Variants in SSH2 observed in about 807,000 individuals in gnomAD.
SSH2 encodes protein phosphatase Slingshot homolog 2.
SSH2 carries 37 observed loss-of-function variants against 135.2 expected under a neutral mutation model. That is an observed-to-expected ratio of 0.27 (90% CI 0.21 to 0.36). The LOEUF (loss-of-function observed/expected upper bound fraction) is 0.36. Ranked by LOEUF, SSH2 falls within the 10% of genes least tolerant of loss-of-function variation. The probability of loss-of-function intolerance (pLI) is 1.00; values close to 1 mark genes in which losing one functional copy is unlikely to be tolerated. For missense variants in SSH2, 1,408 were observed against 1,765.3 expected, an observed-to-expected ratio of 0.80 and a Z score of 3.63; for synonymous variants, 628 against 646.2, an observed-to-expected ratio of 0.97 and a Z score of 0.43.
intron 2 of SSH2, among the ~76,000 whole-genome samples, chr17:29,834,987 T>C (rs993529183): frequency 2.0e-5 from 3 of 152,244 alleles, no homozygotes; most frequent in Admixed American, 1.3e-4. Flanking sequence ...GTTAGATTTC[T>C]GGGTCAAAGC....
intron 2 of SSH2, among the ~76,000 whole-genome samples, chr17:29,839,758 T>C (rs1172818108): frequency 1.3e-5 from 2 of 152,232 alleles, no homozygotes; most frequent in East Asian, 3.8e-4. Context: ...GAATCACTAC[T>C]GCATTTGACC....
chr17:29,893,635 C>A (rs2066390836), intron 1 of SSH2, among the ~76,000 whole-genome samples: 1 of 152,072 alleles, frequency 6.6e-6, no homozygotes, highest in Admixed American at 6.6e-5. Flanking sequence ...TTATAAATTA[C>A]CCATTCTGTG....
chr17:29,910,836 T>A (rs1425079307), intron 1 of SSH2, among the ~76,000 whole-genome samples: 1 of 152,184 alleles, frequency 6.6e-6, no homozygotes, highest in Non-Finnish European at 1.5e-5. Flanking sequence ...TGAAAAAAAA[T>A]AAAATTTGCT....
rs774819289 is a variant in SSH2 at position 29,629,513 on chromosome 17, A to G, written c.*1328T>C. 7 of 152,658 alleles carry G rather than the reference A, an allele frequency of 4.6e-5. No homozygotes were observed. Among genetic ancestry groups the G allele is most frequent in the Non-Finnish European group, 1.0e-4 (7 of 68,046 alleles). The allele number at this position is 152,658 out of a possible 1,614,324, so 9.5% of individuals were successfully genotyped here. A position where few individuals can be genotyped will look rare whatever the true frequency, so the allele number is the denominator to read the frequency against. On this transcript the variant is annotated 3_prime_UTR_variant, in exon 16 of 16. Transcript: ENST00000540801. ...TTAAACAACTACAGCCACCATCAAC[A>G]TATTGTACAGATTCCTATCAACACC...
intron 3 of SSH2, among the ~76,000 whole-genome samples, chr17:29,763,818 A>T (rs899958716): frequency 6.6e-6 from 1 of 152,234 alleles, no homozygotes; most frequent in South Asian, 2.1e-4. Flanking sequence ...GACCTCTGTC[A>T]GTGTCTGTTC....
chr17:29,838,403 G>T (rs142888755), intron 2 of SSH2, among the ~76,000 whole-genome samples: 47 of 152,358 alleles, frequency 3.1e-4, no homozygotes, highest in African/African-American at 1.1e-3. Flanking sequence ...CTCCTAGGCA[G>T]ACAATGGTCA....
At chr17:29,749,795 C>T (rs185415331) in intron 3 of SSH2, among the ~76,000 whole-genome samples, 3 of 152,262 alleles carry the variant, frequency 2.0e-5, no homozygotes, top group Admixed American at 6.5e-5. Context: ...GGCATGATCT[C>T]GGCTCACTGC....
rs565241525 is a variant in SSH2, at chr17:29,667,123, C to G, written c.903+7G>C. ...CTTGGAACAAACAAGGACTCAAGGT[C>G]TCTTACCTCTTTGGATGTAATATTC... On this transcript the variant is annotated splice_region_variant and intron_variant, in intron 10 of 15. Transcript: ENST00000540801. 1 of 1,610,554 alleles carries G rather than the reference C, an allele frequency of 6.2e-7. No individual in the cohort carries two copies. Among genetic ancestry groups the G allele is most frequent in the East Asian group, 2.2e-5 (1 of 44,872 alleles).
At chr17:29,803,435 C>T (rs893852642) in intron 2 of SSH2, among the ~76,000 whole-genome samples, 2 of 152,134 alleles carry the variant, frequency 1.3e-5, no homozygotes, top group Non-Finnish European at 2.9e-5. Flanking sequence ...TCTAATTTAT[C>T]TTGGGCTTCC....
At chr17:29,823,024 G>A (rs2042680465) in intron 2 of SSH2, among the ~76,000 whole-genome samples, 1 of 151,944 alleles carries the variant, frequency 6.6e-6, no homozygotes, top group African/African-American at 2.4e-5. Context: ...GAGTACCAGA[G>A]AACAGTTGTG....
intron 2 of SSH2, among the ~76,000 whole-genome samples, chr17:29,824,497 TG>T (rs1301377508): frequency 1.3e-5 from 2 of 152,178 alleles, no homozygotes; most frequent in Non-Finnish European, 2.9e-5. Context: ...CTCATTTCAC[TG>T]CCCTGAAGTG....
rs560365891 is a variant in SSH2 at position 29,767,785 on chromosome 17, C to A, written c.188+26109G>T. ...ATTTTATTGTACAATCATATATAAT[C>A]TATTTAAATAGTCCTTTACTTATGG... is the stretch of plus-strand genomic sequence containing the variant. On this transcript the variant is annotated intron_variant, in intron 3 of 15. Transcript: ENST00000540801. Among the ~76,000 whole-genome samples, 3 of 152,134 alleles carry A rather than the reference C, an allele frequency of 2.0e-5. No homozygotes were observed. In the South Asian group the frequency reaches 6.2e-4, roughly 32 times the overall value.
intron 3 of SSH2, among the ~76,000 whole-genome samples, chr17:29,745,037 C>G (rs926249972): frequency 6.6e-6 from 1 of 152,110 alleles, no homozygotes; most frequent in Admixed American, 6.6e-5. Flanking sequence ...AATTGGCAAC[C>G]TTCCTAAATA....
chr17:29,720,378 C>T (rs2039779880), intron 3 of SSH2, among the ~76,000 whole-genome samples: 1 of 152,194 alleles, frequency 6.6e-6, no homozygotes, highest in African/African-American at 2.4e-5. Context: ...ACCAAACCAT[C>T]TCTTCTATAG....
intron 2 of SSH2, among the ~76,000 whole-genome samples, chr17:29,845,666 C>A (rs2043119905): frequency 6.6e-6 from 1 of 150,774 alleles, no homozygotes; most frequent in Non-Finnish European, 1.5e-5. Context: ...AATGGCATAT[C>A]CTTCCGCCTT....
chr17:29,689,140 A>T (rs756478371), intron 5 of SSH2, among the ~76,000 whole-genome samples: 1 of 141,868 alleles, frequency 7.0e-6, no homozygotes, highest in Non-Finnish European at 1.5e-5. Context: ...CCTGGGCGAC[A>T]GGGCAAGTGA....
intron 2 of SSH2, among the ~76,000 whole-genome samples, chr17:29,836,068 T>C (rs540772634): frequency 6.6e-6 from 1 of 152,152 alleles, no homozygotes; most frequent in East Asian, 1.9e-4. Flanking sequence ...TTCTGAAAAT[T>C]TGGTACAGTG....
intron 4 of SSH2, 54 bp downstream of exon 4, chr17:29,702,905 A>C: frequency 7.6e-7 from 1 of 1,320,164 alleles, no homozygotes; most frequent in Non-Finnish European, 1.1e-6. Flanking sequence ...ACCTTTTAGA[A>C]TGTAACAAAA....
intron 2 of SSH2, among the ~76,000 whole-genome samples, chr17:29,845,312 AC>A (rs1201956850): frequency 6.6e-6 from 1 of 151,578 alleles, no homozygotes; most frequent in Non-Finnish European, 1.5e-5. Context: ...CCCCCACCCC[AC>A]CCCCAAGGTT....
Sources: allele counts gnomAD v4.1 joint callset (sites outside exome capture counted in the v4.1 genomes callset), GRCh38; gene constraint gnomAD v4.1.1; transcripts MANE v1.5; gene names NCBI Gene and HGNC (gene_info 2026-07-23, HGNC 2026-07-21).